The following BMPER variants were observed in gnomAD, a reference collection of about 807,000 sequenced individuals.
The protein encoded by BMPER is BMP-binding endothelial regulator protein.
A neutral mutation model predicts 87.3 loss-of-function variants in BMPER; 45 were observed. The ratio of observed to expected loss-of-function variants is 0.52; its 90% CI spans 0.41 to 0.66. The LOEUF (loss-of-function observed/expected upper bound fraction) is 0.66, where lower values mean the gene tolerates loss of function less well. BMPER is among the 30% of genes least tolerant of loss of function. The probability of loss-of-function intolerance (pLI) is 0.00; values close to 1 mark genes in which losing one functional copy is unlikely to be tolerated. For missense variants in BMPER, 784 were observed against 867.5 expected, an observed-to-expected ratio of 0.90 and a Z score of 1.21; for synonymous variants, 326 against 316.2, an observed-to-expected ratio of 1.03 and a Z score of -0.33.
chr7:33,993,736 C>A (rs1450936595), intron 6 of BMPER, among the ~76,000 whole-genome samples: 1 of 151,926 alleles, frequency 6.6e-6, no homozygotes, highest in African/African-American at 2.4e-5. Context: ...TGTTTTTTTC[C>A]CCATCTTTGT....
intron 2 of BMPER, chr7:33,921,787 A>G (rs1270765874): frequency 2.1e-6 from 1 of 471,014 alleles, no homozygotes; most frequent in Non-Finnish European, 4.4e-6. Context: ...GCATGAGCCA[A>G]CTAGATGGAG....
intron 8 of BMPER, among the ~76,000 whole-genome samples, chr7:34,053,498 A>G (rs550556429): frequency 6.6e-6 from 1 of 152,320 alleles, no homozygotes; most frequent in African/African-American, 2.4e-5. Flanking sequence ...TATAGACTTA[A>G]CTAATAGCCT....
chr7:33,918,185 C>G (rs1398745458), intron 2 of BMPER, among the ~76,000 whole-genome samples: 2 of 152,066 alleles, frequency 1.3e-5, no homozygotes, highest in Non-Finnish European at 2.9e-5. Flanking sequence ...TTTTAAAAAC[C>G]TATTTTCTGA....
chr7:34,022,136 C>T (rs941747396), intron 6 of BMPER, among the ~76,000 whole-genome samples: 1 of 152,108 alleles, frequency 6.6e-6, no homozygotes, highest in African/African-American at 2.4e-5. Context: ...GCCCTTTCAT[C>T]ACATGATGGG....
chr7:33,953,540 G>A (rs2128613923), intron 3 of BMPER, among the ~76,000 whole-genome samples: 1 of 152,278 alleles, frequency 6.6e-6, no homozygotes, highest in African/African-American at 2.4e-5. Flanking sequence ...TGCCAGGACT[G>A]CTTGTAAAAT....
chr7:34,010,103 C>T (rs1786839239), intron 6 of BMPER, among the ~76,000 whole-genome samples: 1 of 151,958 alleles, frequency 6.6e-6, no homozygotes, highest in Non-Finnish European at 1.5e-5. Context: ...CTCCTTCAAA[C>T]CTGCCATGTC....
chr7:33,992,730 T>C (rs1275513306), intron 6 of BMPER, among the ~76,000 whole-genome samples: 2 of 150,696 alleles, frequency 1.3e-5, no homozygotes, highest in East Asian at 3.9e-4. Context: ...CTTTACATTT[T>C]GGCATGATTT....
intron 13 of BMPER, among the ~76,000 whole-genome samples, chr7:34,118,424 G>T (rs1042852859): frequency 6.6e-6 from 1 of 152,166 alleles, no homozygotes; most frequent in Non-Finnish European, 1.5e-5. Flanking sequence ...TTAATGCAAG[G>T]CGTTCCATGC....
intron 14 of BMPER, among the ~76,000 whole-genome samples, chr7:34,146,876 T>G (rs1051628058): frequency 1.3e-5 from 2 of 152,222 alleles, no homozygotes; most frequent in African/African-American, 4.8e-5. Context: ...CTTAGTCACC[T>G]TAGTGACTTT....
rs372091719 is a variant in BMPER, at chr7:33,937,407, G to A, written c.319+19G>A. On this transcript the variant is annotated intron_variant, in intron 3 of 14. Coordinates refer to ENST00000649409, the MANE Select transcript of BMPER (RefSeq NM_001365308.1). ...TGCAAAGGTGATTGATGTCTTGGCC[G>A]TCTTCTCTTCTGGCTGCTGCTTCAG... The A allele has an allele frequency of 7.2e-5, 115 of 1,607,620 alleles. No individual in the cohort carries two copies. In the East Asian group the frequency reaches 8.5e-4, roughly 12 times the overall value.
intron 10 of BMPER, 126 bp downstream of exon 10, chr7:34,058,289 T>A: frequency 2.3e-6 from 2 of 873,614 alleles, no homozygotes; most frequent in Non-Finnish European, 3.8e-6. Flanking sequence ...TCCTGACTAG[T>A]CAAATGCCTC....
chr7:33,931,489 C>G (rs1399833292), intron 2 of BMPER, among the ~76,000 whole-genome samples: 1 of 152,090 alleles, frequency 6.6e-6, no homozygotes. Flanking sequence ...GCTATGTAAA[C>G]CTGAAGTATT....
At chr7:34,107,865 G>A (rs1789863406) in intron 13 of BMPER, among the ~76,000 whole-genome samples, 1 of 152,118 alleles carries the variant, frequency 6.6e-6, no homozygotes, top group Non-Finnish European at 1.5e-5. Context: ...CTTCACCATT[G>A]CTGTGTGTAC....
At chr7:34,024,967 C>G (rs1027941700) in intron 6 of BMPER, among the ~76,000 whole-genome samples, 1 of 152,000 alleles carries the variant, frequency 6.6e-6, no homozygotes, top group Non-Finnish European at 1.5e-5. Context: ...GCTCTTGATT[C>G]TTTGCTAGGT....
At chr7:34,053,301 T>C (rs1788193306) in intron 8 of BMPER, among the ~76,000 whole-genome samples, 1 of 152,186 alleles carries the variant, frequency 6.6e-6, no homozygotes, top group African/African-American at 2.4e-5. Context: ...TTTTGAGTAA[T>C]CAGTATTATT....
intron 13 of BMPER, among the ~76,000 whole-genome samples, chr7:34,107,256 T>G (rs1789842276): frequency 6.6e-6 from 1 of 152,230 alleles, no homozygotes; most frequent in South Asian, 2.1e-4. Flanking sequence ...AGAATTAGAA[T>G]AAATCTTTTC....
chr7:34,007,444 G>A (rs568158999), intron 6 of BMPER, among the ~76,000 whole-genome samples: 1 of 152,094 alleles, frequency 6.6e-6, no homozygotes, highest in African/African-American at 2.4e-5. Context: ...TTCTCTGGAG[G>A]TAATCACAAT....
chr7:34,098,308 C>A (rs1340488720), intron 13 of BMPER, among the ~76,000 whole-genome samples: 1 of 152,100 alleles, frequency 6.6e-6, no homozygotes, highest in Non-Finnish European at 1.5e-5. Flanking sequence ...AATTCTCTCC[C>A]ACCATGCACA....
At chr7:33,921,062 T>G (rs974564307) in intron 2 of BMPER, among the ~76,000 whole-genome samples, 2 of 152,218 alleles carry the variant, frequency 1.3e-5, no homozygotes, top group Non-Finnish European at 2.9e-5. Flanking sequence ...AACTCACTTG[T>G]TCCTTGAAGA....
Sources: gnomAD v4.1 joint callset for allele counts (sites outside exome capture counted in the v4.1 genomes callset) on GRCh38, gnomAD v4.1.1 for gene constraint, MANE v1.5 for transcripts, NCBI Gene and HGNC (gene_info 2026-07-23, HGNC 2026-07-21) for gene names.